Variants in CLASP2 observed in about 807,000 individuals in gnomAD.
The protein encoded by CLASP2 is cytoplasmic linker associated protein 2.
A neutral mutation model predicts 194.4 loss-of-function variants in CLASP2; 47 were observed. The observed-to-expected ratio is 0.24, with a 90% CI of 0.19 to 0.31. The LOEUF is 0.31. Among genes scored for constraint, CLASP2 ranks in the 10% least tolerant of loss-of-function variants. The probability of loss-of-function intolerance (pLI) is 1.00; values close to 1 mark genes in which losing one functional copy is unlikely to be tolerated. For missense variants in CLASP2, 1,445 were observed against 1,823.6 expected, an observed-to-expected ratio of 0.79 and a Z score of 3.78; for synonymous variants, 619 against 633.5, an observed-to-expected ratio of 0.98 and a Z score of 0.34.
At chr3:33,658,020 T>A (rs975632873) in intron 7 of CLASP2, among the ~76,000 whole-genome samples, 36 of 152,302 alleles carry the variant, frequency 2.4e-4, no homozygotes, top group Non-Finnish European at 1.0e-4. Context: ...ACCTCAGGTT[T>A]CCCTTCATAC....
chr3:33,506,607 G>T (rs2048301397), intron 37 of CLASP2, among the ~76,000 whole-genome samples: 1 of 151,848 alleles, frequency 6.6e-6, no homozygotes, highest in Non-Finnish European at 1.5e-5. Flanking sequence ...TCAATTCTTG[G>T]AGCTTCCTAC....
At chr3:33,611,723 C>T (rs899300350) in intron 13 of CLASP2, among the ~76,000 whole-genome samples, 2 of 152,094 alleles carry the variant, frequency 1.3e-5, no homozygotes, top group African/African-American at 4.8e-5. Flanking sequence ...CAAGCCCAGA[C>T]CTGACTCTGT....
At chr3:33,507,277 C>T (rs2048526220) in intron 37 of CLASP2, among the ~76,000 whole-genome samples, 1 of 152,072 alleles carries the variant, frequency 6.6e-6, no homozygotes, top group Admixed American at 6.6e-5. Flanking sequence ...AGTTGATAAC[C>T]TCCTCTTCCT....
intron 34 of CLASP2, among the ~76,000 whole-genome samples, chr3:33,529,945 T>C (rs1300320587): frequency 1.6e-5 from 2 of 124,842 alleles, no homozygotes; most frequent in Non-Finnish European, 3.1e-5. Context: ...GCCACTGCGG[T>C]CCGCAGTCCG....
chr3:33,565,233 C>CA (rs2062490680), intron 27 of CLASP2, among the ~76,000 whole-genome samples: 1 of 152,080 alleles, frequency 6.6e-6, no homozygotes, highest in African/African-American at 2.4e-5. Context: ...GGGTGGAGTG[C>CA]ACTGGTGCGA....
intron 8 of CLASP2, among the ~76,000 whole-genome samples, chr3:33,639,383 G>C (rs893791131): frequency 3.3e-5 from 5 of 152,100 alleles, no homozygotes; most frequent in Non-Finnish European, 7.4e-5. Context: ...GATTAACGTG[G>C]AGCCTTGCAC....
At chr3:33,542,628 T>G (rs1012806055) in intron 32 of CLASP2, among the ~76,000 whole-genome samples, 3 of 148,552 alleles carry the variant, frequency 2.0e-5, no homozygotes, top group Non-Finnish European at 4.5e-5. Flanking sequence ...ATGTTATATA[T>G]GTAATTCATT....
chr3:33,665,869 G>C (rs1198609430), intron 6 of CLASP2, among the ~76,000 whole-genome samples: 1 of 152,158 alleles, frequency 6.6e-6, no homozygotes, highest in Non-Finnish European at 1.5e-5. Flanking sequence ...AGAGCAGAAA[G>C]AAGAGCCTAA....
At chr3:33,561,113 C>T (rs2061728955) in intron 27 of CLASP2, 142 bp from the exon 28 acceptor site, 2 of 699,430 alleles carry the variant, frequency 2.9e-6, no homozygotes, top group Non-Finnish European at 4.7e-6. Context: ...ATCTCTCTTG[C>T]TTTTCATTGG....
Position 33,604,168 on chromosome 3 carries a change from G to A in CLASP2, c.1736C>T (p.Thr579Ile). The change falls in exon 17 of 39, where the codon ACT becomes ATT. Residue 579 changes from threonine to isoleucine, a missense_variant. Transcript: ENST00000682230. ...GAGAAAATTACCTCTTCCAGCCACA[G>A]TTGATGGATTTGCTGTAGACCATTT... ...SSKWSTANPSTVAGRVSAGSS... is the reference protein window; with the variant it reads ...SSKWSTANPSIVAGRVSAGSS... 1 of 1,559,876 alleles carries A rather than the reference G, an allele frequency of 6.4e-7. No homozygotes were observed. Among genetic ancestry groups the A allele is most frequent in the South Asian group, 1.2e-5 (1 of 84,476 alleles).
chr3:33,599,981 C>T (rs542897081), intron 18 of CLASP2, among the ~76,000 whole-genome samples: 20 of 152,224 alleles, frequency 1.3e-4, no homozygotes, highest in African/African-American at 4.6e-4. Context: ...AAAATTGTCC[C>T]AAATTGGCTT....
chr3:33,573,486 A>G, intron 24 of CLASP2, 132 bp from the exon 25 acceptor site: 1 of 911,300 alleles, frequency 1.1e-6, no homozygotes, highest in South Asian at 1.4e-5. Context: ...CATTGTAATA[A>G]CAGAATGTCA....
chr3:33,506,513 T>A (rs1387399039), intron 37 of CLASP2, among the ~76,000 whole-genome samples: 2 of 151,920 alleles, frequency 1.3e-5, no homozygotes, highest in Non-Finnish European at 2.9e-5. Context: ...TTGGTTACTA[T>A]AAGTTTTTGG....
In CLASP2 at chr3:33,660,253, C is replaced by A. The variant is rs140469140; in HGVS notation, c.715+3192G>T. 8.5e-4 allele frequency among the ~76,000 whole-genome samples: 130 copies of A among 152,334 alleles called. 1 individual carries two copies. Among genetic ancestry groups the A allele is most frequent in the Middle Eastern group, 6.8e-3 (2 of 294 alleles). ...TGCCATAATCGCAGGGGGTCTCCAA[C>A]TTTCAGTCTTTTCTTTCCTACAGGG... On this transcript the variant is annotated intron_variant, in intron 7 of 38. Coordinates refer to ENST00000682230, the MANE Select transcript of CLASP2 (RefSeq NM_001365631.1).
At position 33,616,745 on chromosome 3, in the gene CLASP2, T is replaced by C. The variant is rs2076241273; in HGVS notation, c.1317+2858A>G. Among the ~76,000 whole-genome samples the C allele has an allele frequency of 2.7e-5, 4 of 147,560 alleles. 1 individual carries two copies. The South Asian group carries it at 8.8e-4, about 33-fold the overall frequency. ...TCCCACTATACTTCCTTTTTTTTTT[T>C]TTTTTTTTTTTTGGGACAGTCTTGC... On this transcript the variant is annotated intron_variant, in intron 12 of 38. Coordinates refer to ENST00000682230, the MANE Select transcript of CLASP2 (RefSeq NM_001365631.1).
chr3:33,673,467 A>G (rs1042670035), intron 6 of CLASP2, among the ~76,000 whole-genome samples: 6 of 152,198 alleles, frequency 3.9e-5, no homozygotes, highest in South Asian at 2.1e-4. Flanking sequence ...AGGAACAACC[A>G]GTACCAGCCA....
At chr3:33,693,806 A>G (rs1382904608) in intron 2 of CLASP2, among the ~76,000 whole-genome samples, 2 of 152,068 alleles carry the variant, frequency 1.3e-5, no homozygotes, top group African/African-American at 4.8e-5. Context: ...AACAATATTG[A>G]CTGACAGTAA....
At chr3:33,591,572 C>T (rs1241393709) in intron 21 of CLASP2, among the ~76,000 whole-genome samples, 1 of 152,222 alleles carries the variant, frequency 6.6e-6, no homozygotes. Context: ...TATCACACTG[C>T]TCTATTCCAG....
chr3:33,552,187 C>T (rs567364506), intron 29 of CLASP2, among the ~76,000 whole-genome samples: 6 of 148,810 alleles, frequency 4.0e-5, no homozygotes, highest in East Asian at 2.0e-4. Flanking sequence ...GGTGCGATCT[C>T]GGCTCACTGA....
Sources: allele counts gnomAD v4.1 joint callset (sites outside exome capture counted in the v4.1 genomes callset), GRCh38; gene constraint gnomAD v4.1.1; transcripts MANE v1.5; gene names NCBI Gene and HGNC (gene_info 2026-07-23, HGNC 2026-07-21).